ULK4: variants seen among roughly 807,000 people sequenced by gnomAD.
ULK4 encodes inactive serine/threonine-protein kinase ULK4.
Under a neutral mutation model 160.6 loss-of-function variants are expected in ULK4, and 133 were observed. The ratio of observed to expected loss-of-function variants is 0.83; its 90% CI spans 0.72 to 0.96. The LOEUF (loss-of-function observed/expected upper bound fraction) is 0.96. ULK4 is among the 40% of genes least tolerant of loss of function. The pLI, the probability that ULK4 is intolerant of heterozygous loss-of-function variation, is 0.00. For missense variants in ULK4, 1,580 were observed against 1,499.5 expected, an observed-to-expected ratio of 1.05 and a Z score of -0.89; for synonymous variants, 534 against 539.8, an observed-to-expected ratio of 0.99 and a Z score of 0.15.
chr3:41,488,623 T>A (rs2084632465), intron 32 of ULK4, among the ~76,000 whole-genome samples: 1 of 152,232 alleles, frequency 6.6e-6, no homozygotes, highest in Non-Finnish European at 1.5e-5. Flanking sequence ...AATTGTGGCC[T>A]GAAACTTACC....
chr3:41,625,397 A>C (rs1244289675), intron 30 of ULK4, among the ~76,000 whole-genome samples: 3 of 152,180 alleles, frequency 2.0e-5, no homozygotes, highest in Non-Finnish European at 4.4e-5. Flanking sequence ...CCTTACTTTA[A>C]GCATCTCCTC....
intron 32 of ULK4, among the ~76,000 whole-genome samples, chr3:41,562,167 A>G (rs185192941): frequency 1.3e-5 from 2 of 152,270 alleles, no homozygotes; most frequent in East Asian, 3.9e-4. Flanking sequence ...GTAGTCGTGC[A>G]GTTTTGAGTG....
intron 21 of ULK4, among the ~76,000 whole-genome samples, chr3:41,767,488 C>T (rs1575671633): frequency 6.6e-6 from 1 of 152,150 alleles, no homozygotes; most frequent in East Asian, 1.9e-4. Flanking sequence ...TATGTCTTAT[C>T]TATTTACAGC....
intron 15 of ULK4, among the ~76,000 whole-genome samples, chr3:41,896,502 C>T (rs1698162998): frequency 6.6e-6 from 1 of 152,158 alleles, no homozygotes; most frequent in African/African-American, 2.4e-5. Flanking sequence ...GATCCACCCA[C>T]CTTGGCCTCC....
chr3:41,295,954 G>A lies in ULK4; in HGVS notation c.3679-46380C>T, dbSNP rs528067260. Among the ~76,000 whole-genome samples the A allele has an allele frequency of 9.9e-5, 15 of 152,284 alleles. No homozygotes were observed. In the South Asian group the frequency reaches 3.1e-3, roughly 32 times the overall value. The stretch of plus-strand genomic sequence containing the variant: ...TCCACACAAAAGCTTACCCCACAGA[G>A]GTTTATAGCAGCTTTACTCATAATT... On this transcript the variant is annotated intron_variant, in intron 35 of 36. Transcript: ENST00000301831.
chr3:41,905,570 G>A (rs1411157579), intron 12 of ULK4, among the ~76,000 whole-genome samples: 1 of 151,948 alleles, frequency 6.6e-6, no homozygotes, highest in Non-Finnish European at 1.5e-5. Flanking sequence ...CAGAAAAAGG[G>A]AGAAAATTGT....
At chr3:41,843,397 G>A (rs542938162) in intron 17 of ULK4, among the ~76,000 whole-genome samples, 23 of 152,106 alleles carry the variant, frequency 1.5e-4, no homozygotes, top group Non-Finnish European at 2.2e-4. Context: ...ATGAAGCTGC[G>A]GACCCTCGCG....
At chr3:41,883,845 C>G (rs375978131) in intron 17 of ULK4, 29 bp downstream of exon 17, 7 of 1,537,950 alleles carry the variant, frequency 4.6e-6, no homozygotes, top group Non-Finnish European at 5.4e-6. Flanking sequence ...TCTTGACATT[C>G]ATCACATTTA....
intron 25 of ULK4, among the ~76,000 whole-genome samples, chr3:41,714,298 C>T (rs569846143): frequency 1.3e-5 from 2 of 152,292 alleles, no homozygotes; most frequent in South Asian, 4.1e-4. Flanking sequence ...AACATTTATA[C>T]TTATAAACAT....
At chr3:41,612,908 G>C (rs1479272890) in intron 31 of ULK4, among the ~76,000 whole-genome samples, 16 of 152,190 alleles carry the variant, frequency 1.1e-4, no homozygotes, top group Admixed American at 1.0e-3. Flanking sequence ...TCATAAGCAG[G>C]TTTTAAGTAC....
At chr3:41,558,322 T>C (rs758989014) in intron 32 of ULK4, among the ~76,000 whole-genome samples, 5 of 152,238 alleles carry the variant, frequency 3.3e-5, no homozygotes, top group South Asian at 2.1e-4. Flanking sequence ...CCCAAAACTG[T>C]TGGCAATATT....
intron 17 of ULK4, among the ~76,000 whole-genome samples, chr3:41,863,477 C>T (rs1336850729): frequency 6.6e-6 from 1 of 152,086 alleles, no homozygotes; most frequent in Non-Finnish European, 1.5e-5. Context: ...AAGACAAAGT[C>T]CCCTTTACTT....
intron 32 of ULK4, among the ~76,000 whole-genome samples, chr3:41,535,866 T>G (rs891923785): frequency 6.6e-5 from 10 of 152,322 alleles, no homozygotes; most frequent in Admixed American, 5.9e-4. Context: ...CTGACCTCAA[T>G]GTACTCCTGC....
intron 27 of ULK4, among the ~76,000 whole-genome samples, chr3:41,683,090 C>T (rs570931694): frequency 2.0e-5 from 3 of 152,230 alleles, no homozygotes; most frequent in African/African-American, 7.2e-5. Context: ...TCATACATTC[C>T]CAGTGATCAC....
intron 27 of ULK4, 113 bp from the exon 28 acceptor site, chr3:41,681,917 C>G: frequency 9.2e-7 from 1 of 1,086,130 alleles, no homozygotes; most frequent in South Asian, 1.4e-5. Context: ...TGAAAAAAAG[C>G]AACGGCTAAG....
chr3:41,662,038 A>G (rs1225555808), intron 30 of ULK4, among the ~76,000 whole-genome samples: 1 of 152,194 alleles, frequency 6.6e-6, no homozygotes, highest in East Asian at 1.9e-4. Context: ...TAATGAAAGG[A>G]TAAAATTAGG....
intron 27 of ULK4, among the ~76,000 whole-genome samples, chr3:41,703,016 G>C (rs1207876525): frequency 1.3e-5 from 2 of 151,870 alleles, no homozygotes; most frequent in South Asian, 4.1e-4. Flanking sequence ...ACCATGCCCA[G>C]CTAATTTTTG....
intron 34 of ULK4, among the ~76,000 whole-genome samples, chr3:41,417,767 C>G (rs775722956): frequency 3.3e-5 from 5 of 152,126 alleles, no homozygotes; most frequent in Non-Finnish European, 7.4e-5. Flanking sequence ...TGACTATGGA[C>G]AGTCATATGG....
chr3:41,430,622 G>C (rs1437470321), intron 34 of ULK4, among the ~76,000 whole-genome samples: 1 of 152,146 alleles, frequency 6.6e-6, no homozygotes, highest in Admixed American at 6.5e-5. Context: ...TGTTCACAAA[G>C]AGAGTTTATT....
Sources: gnomAD v4.1 joint callset for allele counts (sites outside exome capture counted in the v4.1 genomes callset) on GRCh38, gnomAD v4.1.1 for gene constraint, MANE v1.5 for transcripts, NCBI Gene and HGNC (gene_info 2026-07-23, HGNC 2026-07-21) for gene names.